The following PRDM6 variants were observed in gnomAD, a reference collection of about 807,000 sequenced individuals.
PRDM6 encodes putative histone-lysine N-methyltransferase PRDM6.
PRDM6 carries 25 observed loss-of-function variants against 60.8 expected under a neutral mutation model. The ratio of observed to expected loss-of-function variants is 0.41; its 90% CI spans 0.30 to 0.57. The LOEUF is 0.57. PRDM6 is among the 20% of genes least tolerant of loss of function. The pLI is 0.27. For missense variants in PRDM6, 839 were observed against 821.3 expected (o/e 1.02, Z -0.26); for synonymous variants, 407 against 357.4 (o/e 1.14, Z -1.57).
intron 7 of PRDM6, among the ~76,000 whole-genome samples, chr5:123,184,827 G>C (rs113010919): frequency 1.5e-4 from 23 of 152,184 alleles, no homozygotes; most frequent in African/African-American, 4.6e-4. Flanking sequence ...TTGCATTCTT[G>C]TCATTCCCAG....
At chr5:123,127,342 C>T (rs1326923139) in intron 3 of PRDM6, among the ~76,000 whole-genome samples, 4 of 152,138 alleles carry the variant, frequency 2.6e-5, no homozygotes, top group Non-Finnish European at 5.9e-5. Context: ...CTGGCCCCAA[C>T]ACTTACTTTG....
intron 2 of PRDM6, among the ~76,000 whole-genome samples, chr5:123,096,755 C>A (rs1763969029): frequency 6.6e-6 from 1 of 152,136 alleles, no homozygotes; most frequent in Non-Finnish European, 1.5e-5. Context: ...TTAAGTTTTT[C>A]AACTCTTTAT....
chr5:123,107,752 A>G (rs1450965037), intron 3 of PRDM6, among the ~76,000 whole-genome samples: 1 of 152,226 alleles, frequency 6.6e-6, no homozygotes, highest in African/African-American at 2.4e-5. Context: ...GTGAATACAT[A>G]GTAATTTGAT....
intron 3 of PRDM6, among the ~76,000 whole-genome samples, chr5:123,118,659 C>T (rs187341): frequency 0.19 from 28,232 of 152,096 alleles, 3,203 homozygotes; most frequent in East Asian, 0.35. Flanking sequence ...TCAGGGTGCA[C>T]AGCACTTTTA....
At chr5:123,144,877 G>A (rs1171172095) in intron 3 of PRDM6, among the ~76,000 whole-genome samples, 3 of 152,030 alleles carry the variant, frequency 2.0e-5, no homozygotes, top group African/African-American at 7.2e-5. Context: ...TTAATGCTTG[G>A]GTACCTGGCA....
rs998326775 is a variant in PRDM6, at chr5:123,090,209, G to A, written c.195G>A (p.Pro65=). 2.7e-6 allele frequency: 4 copies of A among 1,480,348 alleles called. No homozygotes were observed. The highest frequency in any genetic ancestry group is 1.5e-5 in the African/African-American group (1 of 68,146). The allele number at this position is 1,480,348 out of a possible 1,614,324, so 91.7% of individuals were successfully genotyped here. The change falls in exon 2 of 8, where the codon CCG becomes CCA. Residue 65 remains proline, a synonymous_variant. Coordinates refer to ENST00000407847, the MANE Select transcript of PRDM6 (RefSeq NM_001136239.4). ...CGCCCCCGGAGCGCGCTGAGCCTCC[G>A]CCGGACAGCCTGCGCCCGCGGCCCG... ...PPPPPERAEP[P]PDSLRPRPAS... is the part of the protein sequence containing the mutation.
chr5:123,134,088 C>T (rs1764898799), intron 3 of PRDM6, among the ~76,000 whole-genome samples: 1 of 152,122 alleles, frequency 6.6e-6, no homozygotes, highest in African/African-American at 2.4e-5. Context: ...CTCAAAGTCA[C>T]TTTGTCCTTT....
intron 3 of PRDM6, among the ~76,000 whole-genome samples, chr5:123,152,959 G>C (rs114349020): frequency 6.6e-6 from 1 of 152,060 alleles, no homozygotes; most frequent in Non-Finnish European, 1.5e-5. Flanking sequence ...GTTAAAATCC[G>C]CTTAAACAGG....
Position 123,155,976 on chromosome 5 carries a change from C to T in PRDM6, c.993C>T (p.His331=), listed in dbSNP as rs1306247996. 4 of 1,551,720 alleles carry T rather than the reference C, an allele frequency of 2.6e-6. No homozygotes were observed. In the South Asian group the frequency reaches 4.8e-5, roughly 18 times the overall value. ...SWMRYIRCAR[H]CGEQNLTVVQ... ...TGAGGTATATCCGATGTGCAAGGCA[C>T]TGCGGAGAACAGAATCTAACAGTAG... The change falls in exon 4 of 8, where the codon CAC becomes CAT. Residue 331 remains histidine, a synonymous_variant. Transcript: ENST00000407847.
At chr5:123,167,331 T>C (rs1249809609) in intron 5 of PRDM6, among the ~76,000 whole-genome samples, 2 of 152,222 alleles carry the variant, frequency 1.3e-5, no homozygotes, top group African/African-American at 4.8e-5. Flanking sequence ...ACACATTCTT[T>C]TGTTTTAATA....
At chr5:123,105,571 A>C (rs1764183607) in intron 3 of PRDM6, among the ~76,000 whole-genome samples, 1 of 152,232 alleles carries the variant, frequency 6.6e-6, no homozygotes, top group Admixed American at 6.5e-5. Flanking sequence ...ATATGCCTAC[A>C]ATATCAAAGT....
chr5:123,142,310 A>G (rs969607968), intron 3 of PRDM6, among the ~76,000 whole-genome samples: 21 of 107,982 alleles, frequency 1.9e-4, no homozygotes, highest in Non-Finnish European at 3.9e-4. Context: ...AGCCCATGCA[A>G]TGGAGCACAT....
intron 6 of PRDM6, among the ~76,000 whole-genome samples, chr5:123,179,842 A>G (rs1766104913): frequency 6.6e-6 from 1 of 152,204 alleles, no homozygotes; most frequent in African/African-American, 2.4e-5. Context: ...TACTTTCCCT[A>G]CTTACAAAAG....
At chr5:123,177,144 T>G (rs1766033285) in intron 6 of PRDM6, among the ~76,000 whole-genome samples, 1 of 152,192 alleles carries the variant, frequency 6.6e-6, no homozygotes, top group Non-Finnish European at 1.5e-5. Flanking sequence ...GCCTGAAGAT[T>G]TAATTTTTGA....
chr5:123,163,856 G>A (rs1424059318), intron 5 of PRDM6, among the ~76,000 whole-genome samples: 1 of 152,152 alleles, frequency 6.6e-6, no homozygotes, highest in Non-Finnish European at 1.5e-5. Flanking sequence ...AACCTTGATG[G>A]CAACAGGGGA....
chr5:123,121,672 C>T (rs1207440183), intron 3 of PRDM6, among the ~76,000 whole-genome samples: 1 of 152,190 alleles, frequency 6.6e-6, no homozygotes, highest in Non-Finnish European at 1.5e-5. Context: ...ATCCCATCCT[C>T]ACACCTGATA....
chr5:123,090,079 A>G lies in PRDM6; in HGVS notation c.65A>G (p.His22Arg). The change falls in exon 2 of 8, where the codon CAC becomes CGC. Residue 22 changes from histidine to arginine, a missense_variant. Physicochemically the swap from His to Arg is conservative, Grantham distance 29 (BLOSUM62 0). Around this residue, in one of 2 missense-constraint regions of PRDM6, gnomAD observed 730 missense variants for 648.8 expected, o/e 1.13. Coordinates refer to ENST00000407847, the MANE Select transcript of PRDM6 (RefSeq NM_001136239.4). ...AAAGTGGACCCAGCCTACCTGCAGC[A>G]CTGGCAGCAACTCTTCCCTCACGGA... ...FLKVDPAYLQ[H>R]WQQLFPHGGA... The G allele has an allele frequency of 6.5e-7, 1 of 1,547,618 alleles. No individual in the cohort carries two copies. The highest frequency in any genetic ancestry group is 8.7e-7 in the Non-Finnish European group (1 of 1,145,748).
chr5:123,129,965 TCCCTTC>T (rs1434051103), intron 3 of PRDM6, among the ~76,000 whole-genome samples: 1 of 149,662 alleles, frequency 6.7e-6, no homozygotes, highest in Non-Finnish European at 1.5e-5. Context: ...CCTCCTTCCC[TCCCTTC>T]CCCTTCCCCT....
Position 123,089,244 on chromosome 5 carries a change from A to T in PRDM6, c.-291A>T, listed in dbSNP as rs1447215177. ...CCACGTGTCCAGCCGGGAAGCTGCC[A>T]GAGCGTGGAACCAAGGAGCCAGGAC... On this transcript the variant is annotated 5_prime_UTR_variant, in exon 1 of 8. Transcript: ENST00000407847. The T allele has an allele frequency of 6.5e-6, 1 of 153,278 alleles. No homozygotes were observed. Among genetic ancestry groups the T allele is most frequent in the African/African-American group, 2.4e-5 (1 of 41,344 alleles). 9.5% of individuals were successfully genotyped at this position (153,278 alleles called of 1,614,324 possible).
Sources: gnomAD v4.1 joint callset for allele counts (sites outside exome capture counted in the v4.1 genomes callset) on GRCh38, gnomAD v4.1.1 for gene constraint, gnomAD v4.1.1 regional missense constraint, MANE v1.5 for transcripts, NCBI Gene and HGNC (gene_info 2026-07-23, HGNC 2026-07-21) for gene names.